The following RYR2 variants were observed in gnomAD, a reference collection of about 807,000 sequenced individuals.
RYR2 encodes cardiac muscle ryanodine receptor-calcium release channel.
A neutral mutation model predicts 601.1 loss-of-function variants in RYR2; 227 were observed. The ratio of observed to expected loss-of-function variants is 0.38; its 90% CI spans 0.34 to 0.42. RYR2 has a LOEUF of 0.42. Ranked by LOEUF, RYR2 falls within the 10% of genes least tolerant of loss-of-function variation. The probability of loss-of-function intolerance (pLI) is 1.00; values close to 1 mark genes in which losing one functional copy is unlikely to be tolerated. For synonymous variants in RYR2, 2,223 were observed against 2,175.1 expected, an observed-to-expected ratio of 1.02 and a Z score of -0.61; for missense variants, 4,646 against 6,156.5, an observed-to-expected ratio of 0.75 and a Z score of 8.21.
At chr1:237,141,152 T>A (rs1198465917) in intron 1 of RYR2, among the ~76,000 whole-genome samples, 2 of 152,358 alleles carry the variant, frequency 1.3e-5, no homozygotes, top group East Asian at 3.9e-4. Flanking sequence ...TTTGTTTCTT[T>A]TTCTTGTCTG....
chr1:237,627,441 G>A (rs1359332108), intron 40 of RYR2, among the ~76,000 whole-genome samples: 1 of 151,954 alleles, frequency 6.6e-6, no homozygotes. Flanking sequence ...AGGCCTTCTG[G>A]GAAGAAAATA....
chr1:237,063,421 C>T (rs1472027039), intron 1 of RYR2, among the ~76,000 whole-genome samples: 1 of 148,184 alleles, frequency 6.7e-6, no homozygotes, highest in East Asian at 1.9e-4. Context: ...TCTTTTATTA[C>T]TCCTTCAGTG....
At chr1:237,554,828 T>C (rs1338143050) in intron 27 of RYR2, among the ~76,000 whole-genome samples, 1 of 152,080 alleles carries the variant, frequency 6.6e-6, no homozygotes, top group African/African-American at 2.4e-5. Flanking sequence ...ATGATATCTC[T>C]CTTTTCATTC....
In RYR2 at chr1:237,348,395, A is replaced by T. The variant is rs7523894; in HGVS notation, c.274-7570A>T. ...TATGAAACAATACTAATAATGTCTC[A>T]TGAGGCCTAATCTTGTGCTGGGGGG... On this transcript the variant is annotated intron_variant, in intron 3 of 104. Transcript: ENST00000366574. 5.0e-3 allele frequency among the ~76,000 whole-genome samples: 756 copies of T among 152,318 alleles called. 6 individuals are homozygous for T. Among genetic ancestry groups the T allele is most frequent in the African/African-American group, 0.017 (705 of 41,590 alleles).
At chr1:237,543,990 G>T (rs1190354547) in intron 25 of RYR2, among the ~76,000 whole-genome samples, 1 of 152,042 alleles carries the variant, frequency 6.6e-6, no homozygotes, top group Non-Finnish European at 1.5e-5. Context: ...CAGGATCTTT[G>T]TTGTTTTGTT....
chr1:237,700,131 G>A lies in RYR2; in HGVS notation c.9129-98G>A, dbSNP rs1409572383. 3 of 791,670 alleles carry A rather than the reference G, an allele frequency of 3.8e-6. No individual in the cohort carries two copies. In the Admixed American group the frequency reaches 8.5e-5, roughly 22 times the overall value. 49.0% of individuals were successfully genotyped at this position (791,670 alleles called of 1,614,324 possible). A position where few individuals can be genotyped will look rare whatever the true frequency, so the allele number is the denominator to read the frequency against. On this transcript the variant is annotated intron_variant, in intron 64 of 104. Coordinates refer to ENST00000366574, the MANE Select transcript of RYR2 (RefSeq NM_001035.3). Reference sequence around the variant, plus strand: ...TTAAAAGTTGGTTACCAGGTGAGTAGAGTAATGGAGAAATAAACATCATAA... The same window carrying A: ...TTAAAAGTTGGTTACCAGGTGAGTAAAGTAATGGAGAAATAAACATCATAA...
chr1:237,341,808 C>A (rs978309975), intron 3 of RYR2, among the ~76,000 whole-genome samples: 2 of 151,202 alleles, frequency 1.3e-5, no homozygotes, highest in Non-Finnish European at 2.9e-5. Flanking sequence ...TTTTGAATTG[C>A]CTCTCTATTG....
At chr1:237,483,135 A>G (rs145615319) in intron 17 of RYR2, among the ~76,000 whole-genome samples, 1 of 152,206 alleles carries the variant, frequency 6.6e-6, no homozygotes, top group Non-Finnish European at 1.5e-5. Flanking sequence ...ACTAACTTTG[A>G]TTCCATGTCT....
intron 14 of RYR2, among the ~76,000 whole-genome samples, chr1:237,448,271 C>G (rs1657635065): frequency 6.6e-6 from 1 of 151,958 alleles, no homozygotes; most frequent in Non-Finnish European, 1.5e-5. Context: ...CTTCTTTGAC[C>G]AATAGATTTT....
intron 1 of RYR2, among the ~76,000 whole-genome samples, chr1:237,256,135 T>G (rs1281997646): frequency 1.3e-5 from 2 of 152,096 alleles, no homozygotes; most frequent in Non-Finnish European, 2.9e-5. Context: ...CCCATACTGT[T>G]ATGGTGGTAG....
At chr1:237,454,952 C>T (rs553233169) in intron 15 of RYR2, among the ~76,000 whole-genome samples, 1 of 152,240 alleles carries the variant, frequency 6.6e-6, no homozygotes, top group South Asian at 2.1e-4. Context: ...AACTATTCAG[C>T]AGGTGCTCCT....
intron 101 of RYR2, among the ~76,000 whole-genome samples, chr1:237,821,750 C>A (rs1322145949): frequency 1.3e-5 from 2 of 151,790 alleles, no homozygotes; most frequent in African/African-American, 4.8e-5. Flanking sequence ...CATGTTCTAA[C>A]CCATTGCAAG....
chr1:237,528,514 T>C (rs1045756630), intron 24 of RYR2, among the ~76,000 whole-genome samples: 4 of 152,198 alleles, frequency 2.6e-5, no homozygotes, highest in Admixed American at 6.5e-5. Context: ...TATGGACTTA[T>C]ATATTTATGC....
At chr1:237,391,119 A>G (rs1702342320) in intron 10 of RYR2, among the ~76,000 whole-genome samples, 1 of 152,114 alleles carries the variant, frequency 6.6e-6, no homozygotes, top group African/African-American at 2.4e-5. Flanking sequence ...GCACTTCATT[A>G]TTTCTAAATC....
intron 17 of RYR2, among the ~76,000 whole-genome samples, chr1:237,488,548 T>C (rs1258583743): frequency 6.6e-6 from 1 of 152,180 alleles, no homozygotes; most frequent in Non-Finnish European, 1.5e-5. Flanking sequence ...AAAGGCTGGA[T>C]GTACACTGTG....
chr1:237,610,926 C>T lies in RYR2; in HGVS notation c.4848C>T (p.Gly1616=), dbSNP rs1308711902. 1 of 1,613,474 alleles carries T rather than the reference C, an allele frequency of 6.2e-7. No individual in the cohort carries two copies. The highest frequency in any genetic ancestry group is 1.7e-5 in the Admixed American group (1 of 59,964). Residue 1616 remains glycine (G), a synonymous_variant, in exon 36 of 105, where the codon GGC becomes GGT. Transcript: ENST00000366574. This position sits in a 1 kb window ranked among gnomAD's most constrained non-coding sequence, Gnocchi z 4.9. ...VDVSRISERQ[G]WLVQCLDPLQ... ...TGTCTCGAATAAGTGAACGCCAAGGCTGGTTGGTGCAGTGTTTGGATCCTC... is the reference window on the plus strand; with the variant it reads ...TGTCTCGAATAAGTGAACGCCAAGGTTGGTTGGTGCAGTGTTTGGATCCTC...
intron 55 of RYR2, among the ~76,000 whole-genome samples, 163 bp from the exon 56 acceptor site, chr1:237,660,647 C>T (rs1476576167): frequency 6.6e-6 from 1 of 152,200 alleles, no homozygotes; most frequent in Non-Finnish European, 1.5e-5. Flanking sequence ...TCTCTGCTCA[C>T]ACTCTGCTTT....
intron 48 of RYR2, among the ~76,000 whole-genome samples, chr1:237,646,414 C>A (rs769317707): frequency 3.3e-5 from 5 of 152,016 alleles, no homozygotes; most frequent in Non-Finnish European, 7.4e-5. Flanking sequence ...TTTTATGTCA[C>A]CATAGCTGTG....
intron 43 of RYR2, 49 bp from the exon 44 acceptor site, chr1:237,634,840 T>C: frequency 1.4e-6 from 2 of 1,402,820 alleles, no homozygotes; most frequent in Non-Finnish European, 9.9e-7. Context: ...ATGGAGTTTA[T>C]AGTTACAGCA....
Sources: allele counts gnomAD v4.1 joint callset (sites outside exome capture counted in the v4.1 genomes callset), GRCh38; gene constraint gnomAD v4.1.1; non-coding constraint Gnocchi (gnomAD v3.1); transcripts MANE v1.5; gene names NCBI Gene and HGNC (gene_info 2026-07-23, HGNC 2026-07-21).